SOX5: variants seen among roughly 807,000 people sequenced by gnomAD.
SOX5 encodes the protein transcription factor SOX-5.
SOX5 carries 9 observed loss-of-function variants against 92.0 expected under a neutral mutation model. That is an observed-to-expected ratio of 0.10 (90% CI 0.06 to 0.17). SOX5 has a LOEUF of 0.17. Ranked by LOEUF, SOX5 falls within the 10% of genes least tolerant of loss-of-function variation. The pLI is 1.00. For missense variants in SOX5, 642 were observed against 944.5 expected, an observed-to-expected ratio of 0.68 and a Z score of 4.20; for synonymous variants, 344 against 336.3, an observed-to-expected ratio of 1.02 and a Z score of -0.25.
At chr12:23,567,132 T>C (rs1947254527) in intron 10 of SOX5, among the ~76,000 whole-genome samples, 2 of 152,234 alleles carry the variant, frequency 1.3e-5, no homozygotes, top group African/African-American at 4.8e-5. Context: ...TGAGGGGATG[T>C]CATTCCTTGG....
At chr12:24,106,556 C>T (rs1163638807) in intron 4 of SOX5, among the ~76,000 whole-genome samples, 5 of 151,990 alleles carry the variant, frequency 3.3e-5, no homozygotes, top group Non-Finnish European at 5.9e-5. Context: ...TTCGGGAGGT[C>T]GACGCAGGCG....
chr12:24,508,883 T>C (rs1949046393), intron 1 of SOX5, among the ~76,000 whole-genome samples: 1 of 152,072 alleles, frequency 6.6e-6, no homozygotes, highest in African/African-American at 2.4e-5. Context: ...ACAGGGACCA[T>C]GCAGCCACAG....
intron 4 of SOX5, among the ~76,000 whole-genome samples, chr12:24,170,942 G>C (rs1954012259): frequency 6.6e-6 from 1 of 152,090 alleles, no homozygotes; most frequent in Non-Finnish European, 1.5e-5. Context: ...ACCATTACTA[G>C]AAATGTGGCT....
intron 9 of SOX5, among the ~76,000 whole-genome samples, chr12:23,603,280 T>G (rs994032606): frequency 6.6e-6 from 1 of 151,738 alleles, no homozygotes; most frequent in African/African-American, 2.4e-5. Context: ...TTTTGAGGAT[T>G]CTTGGATTTT....
At chr12:23,870,496 T>C (rs1265519322) in intron 2 of SOX5, among the ~76,000 whole-genome samples, 4 of 152,116 alleles carry the variant, frequency 2.6e-5, no homozygotes, top group Non-Finnish European at 5.9e-5. Context: ...ATACCAACTC[T>C]ATTCTTTTTT....
intron 1 of SOX5, among the ~76,000 whole-genome samples, chr12:24,523,148 CA>C (rs1248417092): frequency 6.6e-6 from 1 of 151,984 alleles, no homozygotes. Flanking sequence ...AAAACAATAT[CA>C]CCAAAAAGAC....
At chr12:24,462,030 G>A (rs1365432110) in intron 1 of SOX5, among the ~76,000 whole-genome samples, 2 of 152,154 alleles carry the variant, frequency 1.3e-5, no homozygotes, top group African/African-American at 4.8e-5. Context: ...ATCTGAGGAT[G>A]CAGTGATACA....
intron 2 of SOX5, among the ~76,000 whole-genome samples, chr12:24,365,083 C>T (rs1956029632): frequency 6.6e-6 from 1 of 152,074 alleles, no homozygotes; most frequent in Admixed American, 6.6e-5. Flanking sequence ...ACTCATTTTT[C>T]TGGTTCAAAA....
At chr12:23,853,735 G>A (rs144635748) in intron 2 of SOX5, among the ~76,000 whole-genome samples, 69 of 152,070 alleles carry the variant, frequency 4.5e-4, no homozygotes, top group African/African-American at 1.6e-3. Flanking sequence ...AATAGAACCC[G>A]TAAAAACAAA....
At chr12:24,071,495 C>T (rs980696189) in intron 4 of SOX5, among the ~76,000 whole-genome samples, 2 of 152,100 alleles carry the variant, frequency 1.3e-5, no homozygotes, top group Admixed American at 6.5e-5. Context: ...AGTGCAGTGG[C>T]GCGATCTCGG....
chr12:23,923,264 T>C (rs922376140), intron 1 of SOX5, among the ~76,000 whole-genome samples: 4 of 151,482 alleles, frequency 2.6e-5, no homozygotes, highest in African/African-American at 9.7e-5. Context: ...GGAAGCTTCT[T>C]AAAGGATGAG....
chr12:23,920,220 T>C (rs2138788867), intron 1 of SOX5: 1 of 152,346 alleles, frequency 6.6e-6, no homozygotes, highest in Middle Eastern at 3.4e-3. Context: ...AAATGTTTTC[T>C]ACAAAAAGCG....
intron 4 of SOX5, among the ~76,000 whole-genome samples, chr12:24,053,518 T>G (rs1957795555): frequency 6.6e-6 from 1 of 152,224 alleles, no homozygotes; most frequent in Non-Finnish European, 1.5e-5. Flanking sequence ...AAATGGGCAC[T>G]GTTTACTCTA....
At chr12:23,748,781 T>A (rs1054623761) in intron 4 of SOX5, among the ~76,000 whole-genome samples, 2 of 151,982 alleles carry the variant, frequency 1.3e-5, no homozygotes, top group Non-Finnish European at 2.9e-5. Flanking sequence ...TTTATGGAAA[T>A]GTCACTTTCA....
At chr12:24,320,819 G>A (rs762280928) in intron 2 of SOX5, among the ~76,000 whole-genome samples, 2 of 151,222 alleles carry the variant, frequency 1.3e-5, no homozygotes, top group Non-Finnish European at 1.5e-5. Flanking sequence ...GAGCTGAGAT[G>A]GCGCCACTAC....
At chr12:23,740,639 A>C (rs2093762247) in intron 5 of SOX5, among the ~76,000 whole-genome samples, 1 of 152,174 alleles carries the variant, frequency 6.6e-6, no homozygotes, top group African/African-American at 2.4e-5. Flanking sequence ...CCTTGATTAT[A>C]ATCACTTCTA....
At chr12:23,783,093 C>A (rs1052632757) in intron 3 of SOX5, among the ~76,000 whole-genome samples, 2 of 152,106 alleles carry the variant, frequency 1.3e-5, no homozygotes, top group African/African-American at 4.8e-5. Flanking sequence ...TCTCTTATAT[C>A]ATGTTGATTC....
At position 23,536,487 on chromosome 12, in the gene SOX5, T is replaced by C. The variant is rs1382908186; in HGVS notation, c.1954A>G (p.Arg652Gly). Residue 652 changes from arginine (R) to glycine (G), a missense_variant, in exon 14 of 15, where the codon AGG (arginine) becomes GGG (glycine). Arg to Gly is a moderately radical substitution (Grantham distance 125). Around this residue, in one of 8 missense-constraint regions of SOX5, gnomAD observed 21 missense variants for 52.3 expected, o/e 0.40. Coordinates refer to ENST00000451604, the MANE Select transcript of SOX5 (RefSeq NM_006940.6). ...IGEYKAIMRN[R>G]RQEMRQYFNV... ...AAGTACTGCCGCATTTCCTGCCGCC[T>C]GTTGCGCATGATTGCCTTGTATTCA... The C allele has an allele frequency of 6.2e-7, 1 of 1,614,074 alleles. No homozygotes were observed.
Position 23,892,989 on chromosome 12 carries a change from A to C in SOX5, c.270+2804T>G, listed in dbSNP as rs185056888. Among the ~76,000 whole-genome samples, 83 of 152,308 alleles carry C rather than the reference A, an allele frequency of 5.4e-4. 3 individuals carry two copies. The highest frequency in any genetic ancestry group is 3.2e-4 in the Non-Finnish European group (22 of 68,024). ...GTGCCACTGCATTACAGCCTGCGTA[A>C]ACCTGTCTCTAAAAAAATTAAAGAG... On this transcript the variant is annotated intron_variant, in intron 2 of 14. Transcript: ENST00000451604.
Sources: gnomAD v4.1 joint callset for allele counts (sites outside exome capture counted in the v4.1 genomes callset) on GRCh38, gnomAD v4.1.1 for gene constraint, gnomAD v4.1.1 regional missense constraint, MANE v1.5 for transcripts, NCBI Gene and HGNC (gene_info 2026-07-23, HGNC 2026-07-21) for gene names.